Variants in GAREM1 observed in about 807,000 individuals in gnomAD.
GAREM1 encodes GRB2-associated and regulator of MAPK protein 1.
Under a neutral mutation model 71.3 loss-of-function variants are expected in GAREM1, and 26 were observed. The observed-to-expected ratio is 0.36, with a 90% CI of 0.27 to 0.51. The LOEUF (loss-of-function observed/expected upper bound fraction) is 0.51, where lower values mean the gene tolerates loss of function less well. GAREM1 is among the 20% of genes least tolerant of loss of function. The probability of loss-of-function intolerance (pLI) is 0.95; values close to 1 mark genes in which losing one functional copy is unlikely to be tolerated. For synonymous variants in GAREM1, 440 were observed against 433.2 expected (o/e 1.02, Z -0.20); for missense variants, 1,026 against 1,103.1 (o/e 0.93, Z 0.99).
chr18:32,468,669 A>G (rs2049020137), intron 1 of GAREM1, among the ~76,000 whole-genome samples: 1 of 152,198 alleles, frequency 6.6e-6, no homozygotes, highest in Non-Finnish European at 1.5e-5. Context: ...TCGGAAAGTG[A>G]GATATTCCAC....
chr18:32,303,264 A>C (rs1215750832), intron 3 of GAREM1, among the ~76,000 whole-genome samples: 9 of 152,170 alleles, frequency 5.9e-5, no homozygotes, highest in Admixed American at 5.9e-4. Flanking sequence ...TAGTAATTTT[A>C]ATGTAGAAAG....
chr18:32,358,784 G>C (rs1195911994), intron 2 of GAREM1, among the ~76,000 whole-genome samples: 1 of 152,150 alleles, frequency 6.6e-6, no homozygotes, highest in Non-Finnish European at 1.5e-5. Flanking sequence ...AGGGTCAAAG[G>C]AAGTAGTAGC....
At chr18:32,460,947 GA>G (rs2048949691) in intron 1 of GAREM1, among the ~76,000 whole-genome samples, 1 of 151,960 alleles carries the variant, frequency 6.6e-6, no homozygotes, top group East Asian at 1.9e-4. Flanking sequence ...GTGAAAAATC[GA>G]AAAATGAGTT....
At chr18:32,365,463 C>T (rs1278539516) in intron 2 of GAREM1, among the ~76,000 whole-genome samples, 2 of 152,108 alleles carry the variant, frequency 1.3e-5, no homozygotes, top group Admixed American at 6.5e-5. Context: ...TCCTATAAAT[C>T]CAATACTTAA....
intron 1 of GAREM1, among the ~76,000 whole-genome samples, chr18:32,442,963 T>C (rs996980475): frequency 6.6e-6 from 1 of 152,176 alleles, no homozygotes; most frequent in African/African-American, 2.4e-5. Context: ...AATAACTCTA[T>C]GTCAGTAAGT....
rs1298528706 is a variant in GAREM1, at chr18:32,288,018, G to T, written c.579C>A (p.Gly193=). 2 of 1,613,968 alleles carry T rather than the reference G, an allele frequency of 1.2e-6. No individual in the cohort carries two copies. The highest frequency in any genetic ancestry group is 1.7e-6 in the Non-Finnish European group (2 of 1,180,034). The change falls in exon 4 of 6, where the codon GGC becomes GGA. Residue 193 remains glycine, a synonymous_variant. Coordinates refer to ENST00000269209, the MANE Select transcript of GAREM1 (RefSeq NM_001242409.2). ...TCATACAAATGAGGCACGGCATTTT[G>T]CCTTTTCCCAGCTTGCTGATGGAAT... The part of the protein sequence containing the change: ...KLNSISKLGK[G]KMPCLICMNH...
At chr18:32,402,414 T>C (rs1567997079) in intron 1 of GAREM1, among the ~76,000 whole-genome samples, 1 of 151,876 alleles carries the variant, frequency 6.6e-6, no homozygotes, top group African/African-American at 2.4e-5. Flanking sequence ...TTAGTCTGCT[T>C]AAAAAAAAGG....
At chr18:32,456,720 GA>G (rs2048892646) in intron 1 of GAREM1, among the ~76,000 whole-genome samples, 1 of 152,062 alleles carries the variant, frequency 6.6e-6, no homozygotes, top group African/African-American at 2.4e-5. Flanking sequence ...GAATTCTACA[GA>G]AACAATGAAC....
chr18:32,383,676 T>C (rs897656060), intron 2 of GAREM1, among the ~76,000 whole-genome samples: 9 of 152,182 alleles, frequency 5.9e-5, no homozygotes, highest in Admixed American at 3.3e-4. Flanking sequence ...TATTATCTCA[T>C]AGGTTAAATT....
chr18:32,364,118 T>A (rs1257905651), intron 2 of GAREM1, among the ~76,000 whole-genome samples: 1 of 138,714 alleles, frequency 7.2e-6, no homozygotes, highest in East Asian at 2.3e-4. Context: ...CACTGCAACC[T>A]CCACCTCCCA....
intron 1 of GAREM1, among the ~76,000 whole-genome samples, chr18:32,393,667 C>T (rs2048224724): frequency 6.6e-6 from 1 of 152,186 alleles, no homozygotes; most frequent in Non-Finnish European, 1.5e-5. Flanking sequence ...TGGCCTCCTA[C>T]CAAACTTCCC....
At chr18:32,382,805 C>T (rs2048109988) in intron 2 of GAREM1, among the ~76,000 whole-genome samples, 1 of 152,184 alleles carries the variant, frequency 6.6e-6, no homozygotes, top group South Asian at 2.1e-4. Flanking sequence ...ATCAACAAGA[C>T]TCGCTGCATA....
At chr18:32,353,912 T>G (rs937646923) in intron 2 of GAREM1, among the ~76,000 whole-genome samples, 2 of 152,128 alleles carry the variant, frequency 1.3e-5, no homozygotes, top group Admixed American at 6.5e-5. Context: ...GAAAACAAGG[T>G]TTTGTCCTTA....
intron 1 of GAREM1, among the ~76,000 whole-genome samples, chr18:32,406,712 T>C (rs747272197): frequency 7.9e-5 from 12 of 152,114 alleles, no homozygotes; most frequent in Non-Finnish European, 1.3e-4. Flanking sequence ...TTACAGGAAA[T>C]CACTGAAGTA....
intron 3 of GAREM1, among the ~76,000 whole-genome samples, chr18:32,292,263 A>G (rs1473285888): frequency 1.3e-5 from 2 of 150,688 alleles, no homozygotes; most frequent in Non-Finnish European, 3.0e-5. Flanking sequence ...TTTTTTTTTC[A>G]TATGTTTGTT....
intron 2 of GAREM1, among the ~76,000 whole-genome samples, chr18:32,363,025 C>T (rs760015699): frequency 7.9e-5 from 12 of 152,060 alleles, no homozygotes; most frequent in Non-Finnish European, 1.5e-4. Flanking sequence ...TTGGGGTAAA[C>T]TAAAATTGTA....
chr18:32,470,269 G>A lies in GAREM1; in HGVS notation c.121+39C>T. Reference sequence around the variant, plus strand: ...CGCGCACACCCGCGTGGAGACGGCTGTCCTCGCCCGTCTGCCCCGCGCCCC... The same window carrying A: ...CGCGCACACCCGCGTGGAGACGGCTATCCTCGCCCGTCTGCCCCGCGCCCC... On this transcript the variant is annotated intron_variant, in intron 1 of 5. Coordinates refer to ENST00000269209, the MANE Select transcript of GAREM1 (RefSeq NM_001242409.2). The surrounding 1 kb of genome is among the most constrained non-coding windows in gnomAD (Gnocchi z 4.4). The A allele has an allele frequency of 6.8e-7, 1 of 1,462,788 alleles. No individual in the cohort carries two copies. Among genetic ancestry groups the A allele is most frequent in the South Asian group, 1.3e-5 (1 of 76,222 alleles). The allele number at this position is 1,462,788 out of a possible 1,614,324, so 90.6% of individuals were successfully genotyped here. A position where few individuals can be genotyped will look rare whatever the true frequency, so the allele number is the denominator to read the frequency against.
chr18:32,303,012 A>G (rs1369640056), intron 3 of GAREM1, among the ~76,000 whole-genome samples: 1 of 152,208 alleles, frequency 6.6e-6, no homozygotes, highest in Non-Finnish European at 1.5e-5. Flanking sequence ...CGCACGCAGT[A>G]GGGAAGTGGT....
At chr18:32,396,587 G>C (rs1051373961) in intron 1 of GAREM1, among the ~76,000 whole-genome samples, 1 of 152,118 alleles carries the variant, frequency 6.6e-6, no homozygotes, top group African/African-American at 2.4e-5. Context: ...GAAATGAAGC[G>C]AGAAGAGAAG....
Sources: gnomAD v4.1 joint callset for allele counts (sites outside exome capture counted in the v4.1 genomes callset) on GRCh38, gnomAD v4.1.1 for gene constraint, Gnocchi (gnomAD v3.1) non-coding constraint, MANE v1.5 for transcripts, NCBI Gene and HGNC (gene_info 2026-07-23, HGNC 2026-07-21) for gene names.